GNG4: variants seen among roughly 807,000 people sequenced by gnomAD.
The protein encoded by GNG4 is G protein subunit gamma 4, also known as guanine nucleotide-binding protein G(I)/G(S)/G(O) subunit gamma-4.
Under a neutral mutation model 5.8 loss-of-function variants are expected in GNG4, and 4 were observed. The observed-to-expected ratio is 0.69, with a 90% CI of 0.34 to 1.57. The LOEUF is 1.57. Ranked by LOEUF, GNG4 falls within the 40% of genes most tolerant of loss-of-function variation. The pLI is 0.06. For synonymous variants in GNG4, 29 were observed against 32.9 expected (o/e 0.88, Z 0.41); for missense variants, 96 against 95.1 (o/e 1.01, Z -0.04).
chr1:235,633,860 G>C (rs1688979811), intron 1 of GNG4, among the ~76,000 whole-genome samples: 1 of 152,140 alleles, frequency 6.6e-6, no homozygotes, highest in Non-Finnish European at 1.5e-5. Context: ...GTCCAACCAG[G>C]ATAAGGCCAT....
intron 2 of GNG4, among the ~76,000 whole-genome samples, chr1:235,585,416 T>A (rs1286181998): frequency 1.3e-5 from 2 of 152,082 alleles, no homozygotes; most frequent in African/African-American, 4.8e-5. Context: ...ATTAAAAAAT[T>A]TTTTTTTGCT....
rs781597753 is a variant in GNG4 at position 235,592,828 on chromosome 1, C to T, written c.-11+2572G>A. Among the ~76,000 whole-genome samples the T allele has an allele frequency of 4.6e-5, 7 of 152,266 alleles. No homozygotes were observed. In the South Asian group the frequency reaches 6.2e-4, roughly 14 times the overall value. ...TGGTCAGGATTTGAGCATGAGCCGC[C>T]GGGTCCTCCTTGCTTGGTGCCCAGC... On this transcript the variant is annotated intron_variant, in intron 2 of 3. Transcript: ENST00000391854.
chr1:235,643,328 C>T (rs2102990246), intron 1 of GNG4, among the ~76,000 whole-genome samples: 1 of 152,334 alleles, frequency 6.6e-6, no homozygotes, highest in African/African-American at 2.4e-5. Flanking sequence ...AAAAACCTGC[C>T]TCAGCTCACC....
rs1300794354 is a variant in GNG4 at position 235,642,545 on chromosome 1, A to C, written c.-123+7117T>G. Among the ~76,000 whole-genome samples, 1 of 152,044 alleles carries C rather than the reference A, an allele frequency of 6.6e-6. No homozygotes were observed. Among genetic ancestry groups the C allele is most frequent in the African/African-American group, 2.4e-5 (1 of 41,406 alleles). Reference sequence around the variant, plus strand: ...TGCTTCAACGCAGAAAGAATGAGTCATCCAGGAAGGCGAGGTGGTGGCGGG... The same window carrying C: ...TGCTTCAACGCAGAAAGAATGAGTCCTCCAGGAAGGCGAGGTGGTGGCGGG... On this transcript the variant is annotated intron_variant, in intron 1 of 3. Coordinates refer to ENST00000391854, the MANE Select transcript of GNG4 (RefSeq NM_001098722.2). The surrounding 1 kb of genome is among the most constrained non-coding windows in gnomAD (Gnocchi z 4.3).
At chr1:235,600,159 G>C (rs1034725874) in intron 1 of GNG4, among the ~76,000 whole-genome samples, 1 of 131,052 alleles carries the variant, frequency 7.6e-6, no homozygotes, top group Non-Finnish European at 1.5e-5. Flanking sequence ...CTGTCGCCCA[G>C]GCTGGAGTAC....
chr1:235,581,138 C>A (rs188434525), intron 3 of GNG4, among the ~76,000 whole-genome samples: 249 of 152,222 alleles, frequency 1.6e-3, no homozygotes, highest in Non-Finnish European at 3.1e-3. Context: ...AAATTGTAAT[C>A]CCCAGTGTTG....
intron 1 of GNG4, among the ~76,000 whole-genome samples, chr1:235,645,201 G>A (rs1206762061): frequency 6.6e-6 from 1 of 152,126 alleles, no homozygotes; most frequent in Non-Finnish European, 1.5e-5. Flanking sequence ...ATCAGTGTCT[G>A]GACCTGAGCC....
chr1:235,628,763 C>T (rs1033342822), intron 1 of GNG4, among the ~76,000 whole-genome samples: 10 of 152,260 alleles, frequency 6.6e-5, no homozygotes, highest in South Asian at 4.2e-4. Context: ...CACTTTGATC[C>T]GCAGGTGCTA....
intron 2 of GNG4, among the ~76,000 whole-genome samples, chr1:235,586,999 A>C (rs1221894553): frequency 6.6e-6 from 1 of 151,926 alleles, no homozygotes; most frequent in African/African-American, 2.4e-5. Flanking sequence ...TTGGGCATTT[A>C]GGAGTTGGGG....
At chr1:235,606,445 AGGGAGAC>A (rs921025080) in intron 1 of GNG4, among the ~76,000 whole-genome samples, 1 of 152,170 alleles carries the variant, frequency 6.6e-6, no homozygotes, top group African/African-American at 2.4e-5. Flanking sequence ...TGGCTCTGGT[AGGGAGAC>A]GGGGTGGAGA....
At chr1:235,627,752 G>C (rs963955974) in intron 1 of GNG4, among the ~76,000 whole-genome samples, 2 of 152,220 alleles carry the variant, frequency 1.3e-5, no homozygotes, top group African/African-American at 4.8e-5. Context: ...CTTCATCAGA[G>C]AGGAAGACTG....
Position 235,644,011 on chromosome 1 carries a change from CAG to C in GNG4, c.-123+5649_-123+5650del, listed in dbSNP as rs1347813766. Among the ~76,000 whole-genome samples the C allele has an allele frequency of 2.0e-5, 3 of 152,188 alleles. No individual in the cohort carries two copies. The highest frequency in any genetic ancestry group is 4.4e-5 in the Non-Finnish European group (3 of 68,032). On this transcript the variant is annotated intron_variant, in intron 1 of 3. Coordinates refer to ENST00000391854, the MANE Select transcript of GNG4 (RefSeq NM_001098722.2). The surrounding 1 kb of genome is among the most constrained non-coding windows in gnomAD (Gnocchi z 5.9). ...TGCTGCAGTGTTCACGGAGCACACA[CAG>C]AAAGATCTGCCCGAGAGAGTCCCCA...
intron 2 of GNG4, among the ~76,000 whole-genome samples, chr1:235,584,208 C>T (rs907784754): frequency 1.3e-5 from 2 of 152,200 alleles, no homozygotes; most frequent in East Asian, 3.8e-4. Context: ...CTTTCACACA[C>T]GTTTGCTCAT....
chr1:235,601,455 T>C (rs1196891786), intron 1 of GNG4, among the ~76,000 whole-genome samples: 2 of 152,174 alleles, frequency 1.3e-5, no homozygotes, highest in Non-Finnish European at 2.9e-5. Flanking sequence ...TGACCTGGAC[T>C]TTAGCATCTA....
intron 3 of GNG4, among the ~76,000 whole-genome samples, chr1:235,576,677 A>C (rs894127414): frequency 6.6e-6 from 1 of 152,192 alleles, no homozygotes; most frequent in Non-Finnish European, 1.5e-5. Context: ...ATGTGCTTCT[A>C]GGCAAGATGA....
chr1:235,582,417 G>C (rs140906741), intron 3 of GNG4, among the ~76,000 whole-genome samples: 1 of 152,196 alleles, frequency 6.6e-6, no homozygotes, highest in African/African-American at 2.4e-5. Context: ...CTCAGAGCCA[G>C]CCATAGCTCA....
rs1459973243 is a variant in GNG4, at chr1:235,649,333, G to A, written c.-123+329C>T. On this transcript the variant is annotated intron_variant, in intron 1 of 3. Transcript: ENST00000391854. This position sits in a 1 kb window ranked among gnomAD's most constrained non-coding sequence, Gnocchi z 5.7. ...AACGCTCTGTGACCTACAAATGGAA[G>A]AGGGGACCCCCGAGCCCCCGCCTGC... 6.6e-6 allele frequency among the ~76,000 whole-genome samples: 1 copy of A among 152,236 alleles called. No individual in the cohort carries two copies. Among genetic ancestry groups the A allele is most frequent in the Non-Finnish European group, 1.5e-5 (1 of 68,034 alleles).
At chr1:235,591,396 G>A (rs897951205) in intron 2 of GNG4, among the ~76,000 whole-genome samples, 6 of 152,234 alleles carry the variant, frequency 3.9e-5, no homozygotes, top group African/African-American at 7.2e-5. Context: ...GAAATCCCTG[G>A]TGGGGGAGAA....
intron 2 of GNG4, among the ~76,000 whole-genome samples, chr1:235,587,377 G>A (rs1269936780): frequency 2.6e-5 from 3 of 113,722 alleles, no homozygotes; most frequent in Admixed American, 8.6e-5. Context: ...GTGAGTGTGT[G>A]TGTGAGCACG....
Sources: gnomAD v4.1 joint callset for allele counts (sites outside exome capture counted in the v4.1 genomes callset) on GRCh38, gnomAD v4.1.1 for gene constraint, Gnocchi (gnomAD v3.1) non-coding constraint, MANE v1.5 for transcripts, NCBI Gene and HGNC (gene_info 2026-07-23, HGNC 2026-07-21) for gene names.